ACCSL: variants seen among roughly 807,000 people sequenced by gnomAD.
ACCSL encodes the protein 1-aminocyclopropane-1-carboxylate synthase homolog (inactive) like, also known as probable inactive 1-aminocyclopropane-1-carboxylate synthase-like protein 2.
A neutral mutation model predicts 61.7 loss-of-function variants in ACCSL; 55 were observed. The ratio of observed to expected loss-of-function variants is 0.89; its 90% CI spans 0.72 to 1.12. The LOEUF (loss-of-function observed/expected upper bound fraction) is 1.12. Ranked by LOEUF, ACCSL falls within the 50% of genes most tolerant of loss-of-function variation. The pLI is 0.00. For missense variants in ACCSL, 632 were observed against 698.0 expected (o/e 0.91, Z 1.07); for synonymous variants, 258 against 264.3 (o/e 0.98, Z 0.23).
At chr11:44,041,793 A>G in the ACCSL span, among the ~76,000 whole-genome samples, 1 of 152,174 alleles carries the variant, frequency 6.6e-6, no homozygotes, top group Non-Finnish European at 1.5e-5. Context: ...TGTTTATGAG[A>G]ATCCCTCCAT....
the ACCSL span, chr11:43,942,875 C>G: frequency 7.9e-7 from 1 of 1,268,754 alleles, no homozygotes; most frequent in East Asian, 3.2e-5. Flanking sequence ...CGGCGCCCCG[C>G]CGCCCGGCCC....
At chr11:44,037,792 A>G in the ACCSL span, among the ~76,000 whole-genome samples, 1 of 152,228 alleles carries the variant, frequency 6.6e-6, no homozygotes, top group East Asian at 1.9e-4. Flanking sequence ...CCTTGGAACT[A>G]TGGTAGAACG....
the ACCSL span, among the ~76,000 whole-genome samples, chr11:44,024,411 A>C: frequency 2.9e-5 from 4 of 137,992 alleles, no homozygotes; most frequent in African/African-American, 8.4e-5. Context: ...TCCCATGTAT[A>C]TCTCTCTCTC....
At chr11:43,925,587 T>C in the ACCSL span, 1 of 399,482 alleles carries the variant, frequency 2.5e-6, no homozygotes, top group Non-Finnish European at 5.1e-6. Flanking sequence ...AGGGGGTACA[T>C]GCTCCCTCTT....
chr11:43,921,505 A>C, the ACCSL span, among the ~76,000 whole-genome samples: 1 of 152,242 alleles, frequency 6.6e-6, no homozygotes, highest in Non-Finnish European at 1.5e-5. Flanking sequence ...GCCTCTTTTC[A>C]ATGCTTAGCT....
the ACCSL span, among the ~76,000 whole-genome samples, chr11:43,982,077 G>T: frequency 2.0e-5 from 3 of 152,056 alleles, no homozygotes; most frequent in Non-Finnish European, 2.9e-5. Flanking sequence ...GGGTTCTCGG[G>T]TGACAGAGCC....
At chr11:44,045,299 G>A (rs3094396), upstream of ACCSL, among the ~76,000 whole-genome samples, 8,334 of 152,116 alleles carry the variant, frequency 0.055, 443 homozygotes, top group African/African-American at 0.13. Context: ...AATTGGCTGG[G>A]TGTGGTGGAA....
chr11:43,927,329 T>C, the ACCSL span, among the ~76,000 whole-genome samples: 1 of 152,224 alleles, frequency 6.6e-6, no homozygotes, highest in African/African-American at 2.4e-5. Flanking sequence ...GTTTTGGAAA[T>C]CACGAGAATG....
the ACCSL span, among the ~76,000 whole-genome samples, chr11:43,982,215 C>T: frequency 6.7e-6 from 1 of 148,586 alleles, no homozygotes; most frequent in African/African-American, 2.5e-5. Context: ...CCTCTCCCAC[C>T]CCAAGGCCCT....
the ACCSL span, among the ~76,000 whole-genome samples, chr11:43,979,876 A>AT: frequency 6.6e-6 from 1 of 151,408 alleles, no homozygotes; most frequent in Non-Finnish European, 1.5e-5. Context: ...GAAAAGAAAA[A>AT]AAAATTGGCA....
the ACCSL span, among the ~76,000 whole-genome samples, chr11:44,009,609 TA>T: frequency 1.3e-5 from 2 of 151,758 alleles, no homozygotes; most frequent in African/African-American, 4.8e-5. Flanking sequence ...CTACTAAAAA[TA>T]AAAAATTTGC....
the ACCSL span, among the ~76,000 whole-genome samples, chr11:43,953,133 G>C: frequency 6.6e-6 from 1 of 152,170 alleles, no homozygotes; most frequent in South Asian, 2.1e-4. Flanking sequence ...GAGACCTACT[G>C]GGCTGCATTC....
the ACCSL span, among the ~76,000 whole-genome samples, chr11:43,946,899 G>C: frequency 7.7e-4 from 118 of 152,274 alleles, no homozygotes; most frequent in Non-Finnish European, 1.4e-3. Context: ...TGGGCTACAT[G>C]GGGGTTGCTC....
At chr11:43,991,863 A>G in the ACCSL span, among the ~76,000 whole-genome samples, 1 of 152,022 alleles carries the variant, frequency 6.6e-6, no homozygotes, top group Non-Finnish European at 1.5e-5. Context: ...TGACTCCCTG[A>G]TAATCAGGCC....
chr11:43,997,223 T>C, the ACCSL span, among the ~76,000 whole-genome samples: 1 of 152,060 alleles, frequency 6.6e-6, no homozygotes, highest in Non-Finnish European at 1.5e-5. Flanking sequence ...TGGACCAACA[T>C]GTAGCAGGTA....
At chr11:43,924,546 G>C in the ACCSL span, among the ~76,000 whole-genome samples, 1 of 152,230 alleles carries the variant, frequency 6.6e-6, no homozygotes, top group Non-Finnish European at 1.5e-5. Context: ...GAGGCCGGAG[G>C]CCGGAGGCCG....
the ACCSL span, among the ~76,000 whole-genome samples, chr11:44,024,752 C>T: frequency 6.6e-6 from 1 of 151,640 alleles, no homozygotes; most frequent in African/African-American, 2.4e-5. Flanking sequence ...TGGTGATCTG[C>T]CTGGTTGTTA....
the ACCSL span, among the ~76,000 whole-genome samples, chr11:43,953,670 G>A: frequency 2.6e-5 from 4 of 151,904 alleles, no homozygotes; most frequent in South Asian, 2.1e-4. Flanking sequence ...TCCCCTCAGC[G>A]CCACAACAGT....
At chr11:44,053,798 G>A (rs1039357312) in intron 8 of ACCSL, among the ~76,000 whole-genome samples, 2 of 152,156 alleles carry the variant, frequency 1.3e-5, no homozygotes, top group African/African-American at 4.8e-5. Context: ...GGAGGAGGAG[G>A]TTGCAGTGAG....
Sources: gnomAD v4.1 joint callset for allele counts (sites outside exome capture counted in the v4.1 genomes callset) on GRCh38, gnomAD v4.1.1 for gene constraint, MANE v1.5 for transcripts, NCBI Gene and HGNC (gene_info 2026-07-23, HGNC 2026-07-21) for gene names.